Variants in RANBP2 observed in about 807,000 individuals in gnomAD.
RANBP2 encodes the protein E3 SUMO-protein ligase RanBP2.
In RANBP2, 57 loss-of-function variants were observed where a neutral mutation model predicts 303.6. The ratio of observed to expected loss-of-function variants is 0.19; its 90% CI spans 0.15 to 0.23. The LOEUF is 0.23. Among genes scored for constraint, RANBP2 ranks in the 10% least tolerant of loss-of-function variants. RANBP2 has a pLI of 1.00. For missense variants in RANBP2, 3,138 were observed against 3,780.8 expected (o/e 0.83, Z 4.46); for synonymous variants, 1,167 against 1,301.5 (o/e 0.90, Z 2.23).
chr2:109,517,521 A>T, the RANBP2 span, among the ~76,000 whole-genome samples: 2 of 152,208 alleles, frequency 1.3e-5, no homozygotes, highest in African/African-American at 4.8e-5. Context: ...TGCTTGCTTC[A>T]GCCCTGTGCA....
the RANBP2 span, among the ~76,000 whole-genome samples, chr2:108,993,089 G>A: frequency 2.6e-5 from 4 of 152,224 alleles, no homozygotes; most frequent in Admixed American, 6.5e-5. Context: ...CCTAAAATAT[G>A]AGAATGGAAT....
At chr2:109,555,478 G>T in the RANBP2 span, among the ~76,000 whole-genome samples, 1 of 152,120 alleles carries the variant, frequency 6.6e-6, no homozygotes, top group African/African-American at 2.4e-5. Flanking sequence ...CTCCCCTGTT[G>T]CAGGCCAAAA....
the RANBP2 span, chr2:108,798,472 G>A: frequency 1.2e-6 from 2 of 1,613,854 alleles, no homozygotes; most frequent in South Asian, 1.1e-5. Context: ...AACTTCAAAA[G>A]CGAGAACGTT....
Position 108,749,008 on chromosome 2 carries a change from A to C in RANBP2, c.1152A>C (p.Ala384=). The C allele has an allele frequency of 6.2e-7, 1 of 1,611,976 alleles. No individual in the cohort carries two copies. Among genetic ancestry groups the C allele is most frequent in the East Asian group, 2.2e-5 (1 of 44,862 alleles). The change falls in exon 9 of 29, where the codon GCA becomes GCC. Residue 384 remains alanine, a synonymous_variant. Transcript: ENST00000283195. ...ETFANKSGQS[A]LYDALFSSQS... Reference sequence around the variant, plus strand: ...TTGCCAACAAAAGCGGGCAGTCTGCATTATATGATGCTCTGTTTTCTAGTC... The same window carrying C: ...TTGCCAACAAAAGCGGGCAGTCTGCCTTATATGATGCTCTGTTTTCTAGTC...
chr2:109,690,974 T>C, the RANBP2 span, among the ~76,000 whole-genome samples: 2 of 152,088 alleles, frequency 1.3e-5, no homozygotes, highest in Non-Finnish European at 2.9e-5. Context: ...ACCTCCTAGA[T>C]CAGGGACAGC....
the RANBP2 span, among the ~76,000 whole-genome samples, chr2:109,437,472 T>C: frequency 1.3e-5 from 2 of 152,232 alleles, no homozygotes; most frequent in South Asian, 2.1e-4. Flanking sequence ...ACACATTTCA[T>C]TGTGGCAAGA....
Position 108,782,350 on chromosome 2 carries a change from C to T in RANBP2, c.8983C>T (p.Pro2995Ser), listed in dbSNP as rs373123838. 1 of 1,613,984 alleles carries T rather than the reference C, an allele frequency of 6.2e-7. No homozygotes were observed. The highest frequency in any genetic ancestry group is 2.2e-5 in the East Asian group (1 of 44,886). ...TATTACTAAAACAATGGAATTAAAG[C>T]CCTTAAATGTTTCAAATAATGCTTT... ...HVITKTMELK[P>S]LNVSNNALVW... The change falls in exon 27 of 29, where the codon CCC (proline) becomes TCC (serine). Residue 2995 changes from proline (P) to serine (S), a missense_variant. By Grantham distance (74) the Pro-to-Ser change is moderately conservative. Transcript: ENST00000283195.
the RANBP2 span, among the ~76,000 whole-genome samples, chr2:109,637,051 G>T: frequency 6.6e-6 from 1 of 152,162 alleles, no homozygotes; most frequent in African/African-American, 2.4e-5. Context: ...CAGTAAAAAG[G>T]AATGTAGTAG....
intron 1 of RANBP2, among the ~76,000 whole-genome samples, chr2:108,723,678 T>C (rs1006287322): frequency 8.5e-5 from 13 of 152,350 alleles, no homozygotes; most frequent in Middle Eastern, 6.8e-3. Flanking sequence ...AGTTTTTGTT[T>C]AAATGAATAT....
chr2:109,311,722 T>A, the RANBP2 span, among the ~76,000 whole-genome samples: 1 of 152,230 alleles, frequency 6.6e-6, no homozygotes, highest in Non-Finnish European at 1.5e-5. Flanking sequence ...GTTTTGTTTT[T>A]CCTTGTCTGA....
At chr2:109,077,378 A>G in the RANBP2 span, among the ~76,000 whole-genome samples, 19 of 150,636 alleles carry the variant, frequency 1.3e-4, no homozygotes, top group Admixed American at 7.9e-4. Context: ...CACTTAATGA[A>G]TAAAGTCCAC....
chr2:109,545,944 G>A, the RANBP2 span: 2 of 1,469,178 alleles, frequency 1.4e-6, no homozygotes. Flanking sequence ...GTTGGAGAAG[G>A]AAGACAAAGC....
chr2:109,669,651 T>G, the RANBP2 span, among the ~76,000 whole-genome samples: 1 of 152,190 alleles, frequency 6.6e-6, no homozygotes, highest in Non-Finnish European at 1.5e-5. Flanking sequence ...CATTCATGAA[T>G]GAGAAAATAC....
the RANBP2 span, among the ~76,000 whole-genome samples, chr2:109,443,098 T>G: frequency 6.6e-6 from 1 of 152,388 alleles, no homozygotes; most frequent in African/African-American, 2.4e-5. Flanking sequence ...TTGTGAATAC[T>G]GAACTATTGC....
the RANBP2 span, among the ~76,000 whole-genome samples, chr2:109,152,315 A>T: frequency 6.6e-6 from 1 of 151,968 alleles, no homozygotes; most frequent in Non-Finnish European, 1.5e-5. Context: ...AGTTGTGGGG[A>T]ATGTGGGTGG....
chr2:108,854,324 T>C, the RANBP2 span, among the ~76,000 whole-genome samples: 5 of 151,706 alleles, frequency 3.3e-5, no homozygotes, highest in South Asian at 4.1e-4. Context: ...TTACTTCAAC[T>C]CTATAGTCAG....
the RANBP2 span, among the ~76,000 whole-genome samples, chr2:109,477,907 A>G: frequency 6.6e-6 from 1 of 152,222 alleles, no homozygotes; most frequent in Admixed American, 6.5e-5. Flanking sequence ...CAAGTGCAGC[A>G]GCCCCACACC....
At chr2:108,923,380 TG>T in the RANBP2 span, 1 of 1,614,108 alleles carries the variant, frequency 6.2e-7, no homozygotes, top group Non-Finnish European at 8.5e-7. Context: ...TCCTTGGTGT[TG>T]GGGGGTGCCA....
At chr2:109,478,502 T>A in the RANBP2 span, among the ~76,000 whole-genome samples, 1 of 152,248 alleles carries the variant, frequency 6.6e-6, no homozygotes, top group South Asian at 2.1e-4. Flanking sequence ...ATGCTTTCCA[T>A]GAAAATGTAC....
Sources: allele counts gnomAD v4.1 joint callset (sites outside exome capture counted in the v4.1 genomes callset), GRCh38; gene constraint gnomAD v4.1.1; transcripts MANE v1.5; gene names NCBI Gene and HGNC (gene_info 2026-07-23, HGNC 2026-07-21).